Variants in SGCZ observed in about 807,000 individuals in gnomAD.
The protein encoded by SGCZ is zeta-sarcoglycan.
Under a neutral mutation model 41.3 loss-of-function variants are expected in SGCZ, and 40 were observed. That is an observed-to-expected ratio of 0.97 (90% CI 0.75 to 1.26). The LOEUF (loss-of-function observed/expected upper bound fraction) is 1.26, where lower values mean the gene tolerates loss of function less well. SGCZ is among the 50% of genes most tolerant of loss of function. The pLI is 0.00. For missense variants in SGCZ, 552 were observed against 369.8 expected (o/e 1.49, Z -4.04); for synonymous variants, 206 against 137.5 (o/e 1.50, Z -3.49).
At chr8:14,267,018 A>G (rs561770732) in intron 3 of SGCZ, among the ~76,000 whole-genome samples, 7 of 152,226 alleles carry the variant, frequency 4.6e-5, no homozygotes, top group African/African-American at 1.4e-4. Context: ...AGGCTCATAA[A>G]TCATATCATC....
intron 1 of SGCZ, among the ~76,000 whole-genome samples, chr8:15,062,688 A>T (rs1804981288): frequency 6.6e-6 from 1 of 152,202 alleles, no homozygotes; most frequent in Admixed American, 6.5e-5. Context: ...GCATCAGATA[A>T]AGCAGTTATT....
intron 2 of SGCZ, among the ~76,000 whole-genome samples, chr8:14,334,537 T>A (rs562634025): frequency 3.5e-4 from 53 of 152,158 alleles, no homozygotes; most frequent in Non-Finnish European, 6.5e-4. Context: ...GCTTCCCTAA[T>A]AGTCTTCATT....
At chr8:14,706,109 T>C (rs964393362) in intron 1 of SGCZ, among the ~76,000 whole-genome samples, 9 of 151,952 alleles carry the variant, frequency 5.9e-5, no homozygotes, top group East Asian at 1.9e-4. Flanking sequence ...TCTAGAATTT[T>C]CCCCCCCATG....
intron 1 of SGCZ, among the ~76,000 whole-genome samples, chr8:15,017,495 T>C (rs556499670): frequency 7.2e-5 from 11 of 152,276 alleles, no homozygotes; most frequent in African/African-American, 2.6e-4. Context: ...TCCAAACTGA[T>C]ATTAGCATCA....
At chr8:14,403,561 C>G (rs1431395628) in intron 2 of SGCZ, among the ~76,000 whole-genome samples, 1 of 152,080 alleles carries the variant, frequency 6.6e-6, no homozygotes, top group East Asian at 1.9e-4. Context: ...TGGTTTTTGT[C>G]TTTGGCTCTG....
chr8:14,239,934 A>T, intron 3 of SGCZ, among the ~76,000 whole-genome samples: 1 of 108,360 alleles, frequency 9.2e-6, no homozygotes, highest in African/African-American at 3.2e-5. Flanking sequence ...AAAAAAAAAA[A>T]AAGAATTACT....
chr8:14,332,892 T>G (rs1802387231), intron 2 of SGCZ, among the ~76,000 whole-genome samples: 2 of 149,822 alleles, frequency 1.3e-5, no homozygotes, highest in African/African-American at 4.9e-5. Flanking sequence ...ATATTATATG[T>G]GTGTCTATAT....
intron 4 of SGCZ, among the ~76,000 whole-genome samples, chr8:14,200,266 T>C (rs886211099): frequency 1.3e-5 from 2 of 152,196 alleles, no homozygotes; most frequent in African/African-American, 4.8e-5. Context: ...AGACTCAATA[T>C]TGTTAAGATA....
chr8:15,114,041 C>G (rs1200770054), intron 1 of SGCZ, among the ~76,000 whole-genome samples: 1 of 152,150 alleles, frequency 6.6e-6, no homozygotes, highest in East Asian at 1.9e-4. Flanking sequence ...CCTTTTGTCT[C>G]CTGCCAGATT....
chr8:14,380,272 G>A (rs960854540), intron 2 of SGCZ, among the ~76,000 whole-genome samples: 6 of 152,044 alleles, frequency 3.9e-5, no homozygotes, highest in Admixed American at 6.6e-5. Flanking sequence ...ATCCATTGAT[G>A]TTTTCCTTTC....
intron 1 of SGCZ, among the ~76,000 whole-genome samples, chr8:14,999,894 T>C (rs561506672): frequency 1.8e-4 from 28 of 152,324 alleles, no homozygotes; most frequent in Admixed American, 1.8e-3. Flanking sequence ...TGGGATAACG[T>C]GTGAACAAGG....
chr8:14,846,290 G>C (rs1803097526), intron 1 of SGCZ, among the ~76,000 whole-genome samples: 1 of 151,950 alleles, frequency 6.6e-6, no homozygotes, highest in Non-Finnish European at 1.5e-5. Flanking sequence ...AGGAAGTGTT[G>C]ATTAAACCCA....
In SGCZ at chr8:14,085,407, T is replaced by C. The variant is rs1377935039; in HGVS notation, c.*5036A>G. 6.6e-6 allele frequency among the ~76,000 whole-genome samples: 1 copy of C among 151,772 alleles called. No homozygotes were observed. Among genetic ancestry groups the C allele is most frequent in the East Asian group, 1.9e-4 (1 of 5,150 alleles). On this transcript the variant is annotated 3_prime_UTR_variant, in exon 8 of 8. Transcript: ENST00000382080. The stretch of plus-strand genomic sequence containing the variant: ...CATTGTTAATGAATGTCCTTGCCCA[T>C]CTTTAACCCTGTTTGGTTTTTATTT...
intron 2 of SGCZ, among the ~76,000 whole-genome samples, chr8:14,421,171 C>T (rs1453138411): frequency 6.6e-6 from 1 of 152,018 alleles, no homozygotes; most frequent in Non-Finnish European, 1.5e-5. Flanking sequence ...ACCAGTCTAA[C>T]ATTCTTGTAC....
intron 1 of SGCZ, among the ~76,000 whole-genome samples, chr8:14,720,017 G>C (rs971643643): frequency 2.0e-5 from 3 of 151,924 alleles, no homozygotes; most frequent in Non-Finnish European, 4.4e-5. Flanking sequence ...AATCCATCTT[G>C]AATTAATTTT....
At chr8:14,959,785 T>C (rs1800906119) in intron 1 of SGCZ, among the ~76,000 whole-genome samples, 3 of 152,176 alleles carry the variant, frequency 2.0e-5, no homozygotes, top group Non-Finnish European at 4.4e-5. Flanking sequence ...ACCTACTTAT[T>C]GGTAATCGAA....
intron 1 of SGCZ, among the ~76,000 whole-genome samples, chr8:15,054,991 T>C (rs1044177731): frequency 7.9e-5 from 12 of 151,796 alleles, no homozygotes; most frequent in African/African-American, 2.4e-5. Context: ...GACTCCATTT[T>C]GCAATGGCTG....
At chr8:14,757,374 T>C (rs1799712574) in intron 1 of SGCZ, among the ~76,000 whole-genome samples, 1 of 152,154 alleles carries the variant, frequency 6.6e-6, no homozygotes, top group Admixed American at 6.5e-5. Flanking sequence ...AACTTTAGCT[T>C]TTCTCTAGCC....
intron 3 of SGCZ, among the ~76,000 whole-genome samples, chr8:14,306,253 A>G (rs1049137026): frequency 6.6e-6 from 1 of 152,232 alleles, no homozygotes; most frequent in Admixed American, 6.5e-5. Flanking sequence ...ATTAAATTCA[A>G]TAACATTATA....
Sources: gnomAD v4.1 joint callset for allele counts (sites outside exome capture counted in the v4.1 genomes callset) on GRCh38, gnomAD v4.1.1 for gene constraint, MANE v1.5 for transcripts, NCBI Gene and HGNC (gene_info 2026-07-23, HGNC 2026-07-21) for gene names.